SLC35D2: variants seen among roughly 807,000 people sequenced by gnomAD.
The protein encoded by SLC35D2 is nucleotide sugar transporter SLC35D2.
In SLC35D2, 43 loss-of-function variants were observed where a neutral mutation model predicts 41.8. The observed-to-expected ratio is 1.03, with a 90% CI of 0.81 to 1.33. The LOEUF (loss-of-function observed/expected upper bound fraction) is 1.33, where lower values mean the gene tolerates loss of function less well. SLC35D2 is among the 40% of genes most tolerant of loss of function. SLC35D2 has a pLI of 0.00. For synonymous variants in SLC35D2, 150 were observed against 163.9 expected, an observed-to-expected ratio of 0.92 and a Z score of 0.65; for missense variants, 380 against 408.4, an observed-to-expected ratio of 0.93 and a Z score of 0.60.
intron 8 of SLC35D2, among the ~76,000 whole-genome samples, chr9:96,338,586 G>A (rs1355970364): frequency 6.6e-6 from 1 of 150,392 alleles, no homozygotes; most frequent in Admixed American, 6.6e-5. Context: ...CACGTTAAAT[G>A]TTCCTAATTG....
At position 96,368,305 on chromosome 9, in the gene SLC35D2, A is replaced by T; in HGVS notation, c.159T>A (p.Gly53=). The T allele has an allele frequency of 2.5e-6, 4 of 1,606,826 alleles. No individual in the cohort carries two copies. The highest frequency in any genetic ancestry group is 3.4e-6 in the Non-Finnish European group (4 of 1,175,410). Reference sequence around the variant, plus strand: ...TTCCAAGGAAAATTGGTGACGGGAAACTACAAAGGACACAGAACAACAAAT... The same window carrying T: ...TTCCAAGGAAAATTGGTGACGGGAATCTACAAAGGACACAGAACAACAAAT... The part of the protein sequence containing the change: ...LVNKALLTTY[G]FPSPIFLGIG... The change falls in exon 2 of 12, where the codon GGT becomes GGA. Residue 53 remains glycine (G), a splice_region_variant and synonymous_variant. Transcript: ENST00000253270.
Position 96,350,893 on chromosome 9 carries a change from C to T in SLC35D2, c.488+210G>A, listed in dbSNP as rs561703526. On this transcript the variant is annotated intron_variant, in intron 6 of 11. Coordinates refer to ENST00000253270, the MANE Select transcript of SLC35D2 (RefSeq NM_007001.3). ...CTATATTAATATCTTGCAATGCTCT[C>T]TTCATATATTCTCAGAAATTTTCTG... 2.5e-5 allele frequency: 12 copies of T among 480,352 alleles called. 1 individual carries two copies. In the South Asian group the frequency reaches 4.4e-4, roughly 18 times the overall value. The allele number at this position is 480,352 out of a possible 1,614,324, so 29.8% of individuals were successfully genotyped here.
chr9:96,348,953 G>C (rs1039212702), intron 6 of SLC35D2, among the ~76,000 whole-genome samples: 1 of 152,114 alleles, frequency 6.6e-6, no homozygotes, highest in Non-Finnish European at 1.5e-5. Context: ...TTAACTGGCT[G>C]TAAGTCAGTG....
At chr9:96,351,646 G>C (rs1829818718) in intron 5 of SLC35D2, among the ~76,000 whole-genome samples, 3 of 152,004 alleles carry the variant, frequency 2.0e-5, no homozygotes, top group Admixed American at 2.0e-4. Context: ...AATTTCTTCT[G>C]ATATTATAAT....
At chr9:96,368,206 G>T in intron 2 of SLC35D2, 66 bp downstream of exon 2, 1 of 1,308,824 alleles carries the variant, frequency 7.6e-7, no homozygotes, top group Non-Finnish European at 1.1e-6. Context: ...TAAACAAAAG[G>T]ACTTAAAATG....
chr9:96,361,447 G>A (rs1453249854), intron 3 of SLC35D2, among the ~76,000 whole-genome samples: 2 of 152,182 alleles, frequency 1.3e-5, no homozygotes, highest in Non-Finnish European at 2.9e-5. Context: ...AACACTTTGG[G>A]AGGCCAACAC....
At chr9:96,360,765 G>C (rs1283155278) in intron 3 of SLC35D2, among the ~76,000 whole-genome samples, 1 of 151,418 alleles carries the variant, frequency 6.6e-6, no homozygotes, top group Non-Finnish European at 1.5e-5. Context: ...TTTTGAGACA[G>C]AGTTTTGCTC....
chr9:96,333,527 G>A (rs924150693), intron 9 of SLC35D2, among the ~76,000 whole-genome samples: 4 of 151,424 alleles, frequency 2.6e-5, no homozygotes, highest in East Asian at 4.0e-4. Flanking sequence ...CTCAGGAGGC[G>A]GTGCGTGCAG....
downstream of SLC35D2, among the ~76,000 whole-genome samples, chr9:96,319,904 T>C (rs1418284406): frequency 6.6e-6 from 1 of 152,218 alleles, no homozygotes; most frequent in East Asian, 1.9e-4. Flanking sequence ...GAGATCTAGT[T>C]GAATTTTACA....
At position 96,324,121 on chromosome 9, in the gene SLC35D2, G is replaced by C; in HGVS notation, c.801C>G (p.Ala267=). The change falls in exon 10 of 12, where the codon GCC becomes GCG. Residue 267 remains alanine (A), a synonymous_variant. Coordinates refer to ENST00000253270, the MANE Select transcript of SLC35D2 (RefSeq NM_007001.3). The stretch of plus-strand genomic sequence containing the variant: ...TGGCTCCAACCACTGCTGTCGTCAG[G>C]GCTGAATTGTAATAGCTGCACAGAA... ...STVLCSYYNS[A]LTTAVVGAIK... The C allele has an allele frequency of 6.2e-7, 1 of 1,613,880 alleles. No individual in the cohort carries two copies. The highest frequency in any genetic ancestry group is 1.1e-5 in the South Asian group (1 of 91,058).
intron 8 of SLC35D2, among the ~76,000 whole-genome samples, chr9:96,341,733 A>G (rs1587671455): frequency 1.3e-5 from 2 of 152,210 alleles, no homozygotes; most frequent in East Asian, 3.8e-4. Context: ...TAAGTCAATG[A>G]CGTTGATGTA....
intron 6 of SLC35D2, among the ~76,000 whole-genome samples, chr9:96,347,374 C>G (rs1829628266): frequency 6.6e-6 from 1 of 152,126 alleles, no homozygotes; most frequent in Non-Finnish European, 1.5e-5. Flanking sequence ...GGCAGCTTAC[C>G]CACTGTTTGT....
At chr9:96,315,931 A>G (rs927630345), downstream of SLC35D2, among the ~76,000 whole-genome samples, 9 of 152,220 alleles carry the variant, frequency 5.9e-5, no homozygotes, top group African/African-American at 2.2e-4. Context: ...AATAACAAGA[A>G]CCAATGGAGG....
At chr9:96,356,162 C>T (rs1361272565) in intron 4 of SLC35D2, among the ~76,000 whole-genome samples, 3 of 152,222 alleles carry the variant, frequency 2.0e-5, no homozygotes, top group African/African-American at 7.2e-5. Context: ...GATCTCTGCG[C>T]GCACTGGCTC....
intron 1 of SLC35D2, among the ~76,000 whole-genome samples, chr9:96,379,322 T>A (rs938800641): frequency 3.0e-4 from 44 of 146,952 alleles, no homozygotes; most frequent in East Asian, 1.2e-3. Flanking sequence ...AAAAAAAAAA[T>A]AAGACATAAC....
chr9:96,343,178 T>C lies in SLC35D2; in HGVS notation c.684+726A>G, dbSNP rs1473132564. On this transcript the variant is annotated intron_variant, in intron 8 of 11. Coordinates refer to ENST00000253270, the MANE Select transcript of SLC35D2 (RefSeq NM_007001.3). ...GGGGTGGCCACTGGAGCTGTCACTA[T>C]GGAGAATGTCCACACGTCCTGAGAG... 2.0e-5 allele frequency among the ~76,000 whole-genome samples: 3 copies of C among 152,328 alleles called. No individual in the cohort carries two copies. In the East Asian group the frequency reaches 5.8e-4, roughly 29 times the overall value.
chr9:96,360,327 C>T (rs996850565), intron 3 of SLC35D2, 106 bp from the exon 4 acceptor site: 2 of 902,142 alleles, frequency 2.2e-6, no homozygotes, highest in East Asian at 2.7e-5. Context: ...GATCTTCAAA[C>T]AGGCATTAAA....
In SLC35D2 at chr9:96,379,412, C is replaced by T. The variant is rs544060764; in HGVS notation, c.158+4065G>A. 2.0e-5 allele frequency among the ~76,000 whole-genome samples: 3 copies of T among 152,214 alleles called. No homozygotes were observed. The East Asian group carries it at 5.8e-4, about 29-fold the overall frequency. On this transcript the variant is annotated intron_variant, in intron 1 of 11. Transcript: ENST00000253270. ...TCTCACAGTTCACAGCCTTCAAAGGCCTCTCTGTCCAACCAGGTAAATCTG... is the reference window on the plus strand; with the variant it reads ...TCTCACAGTTCACAGCCTTCAAAGGTCTCTCTGTCCAACCAGGTAAATCTG...
intron 8 of SLC35D2, among the ~76,000 whole-genome samples, 154 bp downstream of exon 8, chr9:96,343,750 A>G (rs991569315): frequency 2.0e-4 from 30 of 152,220 alleles, no homozygotes; most frequent in African/African-American, 7.2e-5. Flanking sequence ...TAGTGCCAAA[A>G]GGTGTTACTA....
Sources: allele counts gnomAD v4.1 joint callset (sites outside exome capture counted in the v4.1 genomes callset), GRCh38; gene constraint gnomAD v4.1.1; transcripts MANE v1.5; gene names NCBI Gene and HGNC (gene_info 2026-07-23, HGNC 2026-07-21).